The following INPP4B variants were observed in gnomAD, a reference collection of about 807,000 sequenced individuals.
INPP4B encodes the protein inositol polyphosphate-4-phosphatase type II B.
INPP4B carries 55 observed loss-of-function variants against 122.5 expected under a neutral mutation model. That is an observed-to-expected ratio of 0.45 (90% confidence interval 0.36 to 0.56). INPP4B has a LOEUF of 0.56. INPP4B is among the 20% of genes least tolerant of loss of function. INPP4B has a pLI of 0.00. For synonymous variants in INPP4B, 403 were observed against 388.7 expected (o/e 1.04, Z -0.43); for missense variants, 1,000 against 1,097.7 (o/e 0.91, Z 1.26).
intron 12 of INPP4B, among the ~76,000 whole-genome samples, chr4:142,217,517 G>A (rs960449032): frequency 2.6e-5 from 4 of 152,182 alleles, no homozygotes; most frequent in African/African-American, 9.6e-5. Flanking sequence ...GGAGAAATGA[G>A]ACATGGTTCG....
chr4:142,082,478 G>A (rs191419861), intron 24 of INPP4B, among the ~76,000 whole-genome samples: 66 of 152,272 alleles, frequency 4.3e-4, no homozygotes, highest in Middle Eastern at 3.4e-3. Context: ...CAAGGGGGGT[G>A]CCTGGTCTGC....
intron 23 of INPP4B, among the ~76,000 whole-genome samples, chr4:142,093,070 T>C (rs1349670428): frequency 6.6e-6 from 1 of 152,144 alleles, no homozygotes; most frequent in African/African-American, 2.4e-5. Context: ...GATAATTCTC[T>C]TGGAACTTGC....
intron 2 of INPP4B, among the ~76,000 whole-genome samples, chr4:142,545,797 ATATATATACACATATACATGTGTG>A (rs1560782500): frequency 6.0e-4 from 60 of 99,332 alleles, no homozygotes; most frequent in African/African-American, 1.9e-3. Context: ...ATATGTGTGT[ATATATATACACATATACATGTGTG>A]TATATATATA....
chr4:142,201,703 G>T (rs1214322968), intron 14 of INPP4B, among the ~76,000 whole-genome samples: 1 of 148,936 alleles, frequency 6.7e-6, no homozygotes, highest in Non-Finnish European at 1.5e-5. Context: ...AAATGTACAA[G>T]AAAAAAAAAT....
chr4:142,766,324 A>G (rs1188633846), intron 1 of INPP4B, among the ~76,000 whole-genome samples: 2 of 151,892 alleles, frequency 1.3e-5, no homozygotes, highest in East Asian at 1.9e-4. Flanking sequence ...AATCACCTGG[A>G]CTCATTAAAT....
At chr4:142,644,295 A>T in intron 2 of INPP4B, among the ~76,000 whole-genome samples, 1 of 150,446 alleles carries the variant, frequency 6.6e-6, no homozygotes, top group African/African-American at 2.5e-5. Flanking sequence ...GAGGAGAAGG[A>T]AGAGGAGGAG....
At chr4:142,617,096 G>T (rs1743873194) in intron 2 of INPP4B, among the ~76,000 whole-genome samples, 1 of 151,980 alleles carries the variant, frequency 6.6e-6, no homozygotes, top group African/African-American at 2.4e-5. Flanking sequence ...TAAAAAAATA[G>T]AATAAAAATT....
intron 23 of INPP4B, among the ~76,000 whole-genome samples, chr4:142,103,410 T>C (rs926836744): frequency 6.6e-5 from 10 of 152,120 alleles, no homozygotes; most frequent in African/African-American, 2.2e-4. Context: ...TCTTATCCTA[T>C]TTCCTTATTT....
At chr4:142,058,604 C>A (rs1426889482) in intron 25 of INPP4B, among the ~76,000 whole-genome samples, 1 of 152,060 alleles carries the variant, frequency 6.6e-6, no homozygotes, top group African/African-American at 2.4e-5. Flanking sequence ...CCATTTAACA[C>A]TTATGAAATA....
At chr4:142,832,991 C>T (rs960631101) in intron 1 of INPP4B, among the ~76,000 whole-genome samples, 1 of 151,904 alleles carries the variant, frequency 6.6e-6, no homozygotes, top group Non-Finnish European at 1.5e-5. Context: ...ATAATACGCA[C>T]AAAGGATTGT....
At chr4:142,215,825 G>A (rs918810393) in intron 12 of INPP4B, among the ~76,000 whole-genome samples, 11 of 144,820 alleles carry the variant, frequency 7.6e-5, no homozygotes, top group Non-Finnish European at 7.5e-5. Flanking sequence ...CCCAGGAGGC[G>A]GAGCTTGCAG....
chr4:142,221,519 C>A (rs1188606086), intron 12 of INPP4B, among the ~76,000 whole-genome samples: 8 of 151,126 alleles, frequency 5.3e-5, no homozygotes, highest in African/African-American at 1.7e-4. Flanking sequence ...CACCAAATTT[C>A]TATCTTGCCC....
At chr4:142,472,746 C>A (rs985966951) in intron 2 of INPP4B, among the ~76,000 whole-genome samples, 2 of 152,066 alleles carry the variant, frequency 1.3e-5, no homozygotes, top group Admixed American at 1.3e-4. Context: ...ATCAGAGGCA[C>A]TGTATCTCTT....
chr4:142,209,520 C>T (rs549199395), intron 12 of INPP4B, among the ~76,000 whole-genome samples: 4 of 151,774 alleles, frequency 2.6e-5, no homozygotes, highest in Non-Finnish European at 5.9e-5. Context: ...CGGCCGGGCA[C>T]GGTGGCTCAC....
intron 7 of INPP4B, among the ~76,000 whole-genome samples, chr4:142,369,269 C>T (rs1788802419): frequency 6.6e-6 from 1 of 152,030 alleles, no homozygotes; most frequent in African/African-American, 2.4e-5. Flanking sequence ...CTTCATCCCC[C>T]CATATTTCCA....
chr4:142,031,749 A>C (rs1740317089), intron 25 of INPP4B, among the ~76,000 whole-genome samples: 1 of 152,170 alleles, frequency 6.6e-6, no homozygotes, highest in Admixed American at 6.6e-5. Context: ...CTCCCCTTAC[A>C]TTATATTATT....
At chr4:142,301,745 T>C (rs982435615) in intron 9 of INPP4B, among the ~76,000 whole-genome samples, 1 of 152,130 alleles carries the variant, frequency 6.6e-6, no homozygotes, top group African/African-American at 2.4e-5. Context: ...CTGAGTGAAA[T>C]CCAAACTGTG....
chr4:142,646,083 C>A (rs554040051), intron 2 of INPP4B, among the ~76,000 whole-genome samples: 1 of 152,142 alleles, frequency 6.6e-6, no homozygotes, highest in Non-Finnish European at 1.5e-5. Flanking sequence ...ACAAGAGCAC[C>A]TTTTTGGATG....
intron 14 of INPP4B, among the ~76,000 whole-genome samples, chr4:142,200,922 CCACTAAGA>C (rs1235858576): frequency 1.3e-5 from 2 of 151,966 alleles, no homozygotes; most frequent in Non-Finnish European, 2.9e-5. Context: ...GAGGTCTTCT[CCACTAAGA>C]CACTAGATAT....
Sources: gnomAD v4.1 joint callset for allele counts (sites outside exome capture counted in the v4.1 genomes callset) on GRCh38, gnomAD v4.1.1 for gene constraint, MANE v1.5 for transcripts, NCBI Gene and HGNC (gene_info 2026-07-23, HGNC 2026-07-21) for gene names.